TTN: variants seen among roughly 807,000 people sequenced by gnomAD.
TTN encodes titin, also known as connectin.
In TTN, 1,525 loss-of-function variants were observed where a neutral mutation model predicts 3,223.0. The observed-to-expected ratio is 0.47, with a 90% confidence interval of 0.45 to 0.49. TTN has a LOEUF of 0.49. Ranked by LOEUF, TTN falls within the 20% of genes least tolerant of loss-of-function variation. The pLI is 0.00. For synonymous variants in TTN, 14,094 were observed against 15,161.0 expected, an observed-to-expected ratio of 0.93 and a Z score of 5.17; for missense variants, 40,786 against 43,424.0, an observed-to-expected ratio of 0.94 and a Z score of 5.40.
Position 178,721,943 on chromosome 2 carries a change from T to C in TTN, c.22720A>G (p.Ile7574Val), listed in dbSNP as rs1017841481. The change falls in exon 78 of 363, where the codon ATT becomes GTT. Residue 7574 changes from isoleucine to valine, a missense_variant. Coordinates refer to ENST00000589042, the MANE Select transcript of TTN (RefSeq NM_001267550.2). Reference sequence around the variant, plus strand: ...GAGTCTCCTTTGCCTACTTTAAGAATTCTCAAATGAGGAGTGTTTCCCACA... The same window carrying C: ...GAGTCTCCTTTGCCTACTTTAAGAACTCTCAAATGAGGAGTGTTTCCCACA... The part of the protein sequence containing the change: ...TCVGNTPHLR[I>V]LKVGKGDSGQ... 4 of 1,613,502 alleles carry C rather than the reference T, an allele frequency of 2.5e-6. No individual in the cohort carries two copies. The African/African-American group carries it at 5.3e-5, about 22-fold the overall frequency.
At position 178,548,952 on chromosome 2, in the gene TTN, A is replaced by G; in HGVS notation, c.92674T>C (p.Tyr30892His). The G allele has an allele frequency of 1.9e-6, 3 of 1,613,892 alleles. No homozygotes were observed. The highest frequency in any genetic ancestry group is 2.5e-6 in the Non-Finnish European group (3 of 1,179,826). Residue 30892 changes from tyrosine to histidine, a missense_variant, in exon 339 of 363, where the codon TAC becomes CAC. Physicochemically the swap from Tyr to His is moderately conservative, Grantham distance 83. Transcript: ENST00000589042. The surrounding 1 kb of genome is among the most constrained non-coding windows in gnomAD (Gnocchi z 4.3). The stretch of plus-strand genomic sequence containing the variant: ...TTGATAGCACTAACTCGGAATTTGT[A>G]TTCTTCACCTGCTTGTAGATCAGTG... The part of the protein sequence containing the change: ...TVTDLQAGEE[Y>H]KFRVSAINGA...
chr2:178,618,200 C>G lies in TTN; in HGVS notation c.47258G>C (p.Arg15753Thr). The G allele has an allele frequency of 6.2e-7, 1 of 1,612,334 alleles. No homozygotes were observed. The highest frequency in any genetic ancestry group is 8.5e-7 in the Non-Finnish European group (1 of 1,179,060). Residue 15753 changes from arginine (R) to threonine (T), a missense_variant, in exon 252 of 363, where the codon AGG becomes ACG. Physicochemically the swap from Arg to Thr is moderately conservative, Grantham distance 71 (BLOSUM62 -1). Coordinates refer to ENST00000589042, the MANE Select transcript of TTN (RefSeq NM_001267550.2). The stretch of plus-strand genomic sequence containing the variant: ...TTAAAACTTCTTACCATATTTACTC[C>G]TTGCTTCTACAGGATTGTCAGTTTC... The part of the protein sequence containing the change: ...PVETDNPVEA[R>T]SKYDVPGPPL...
rs1299776307 is a variant in TTN, at chr2:178,565,894, G to A, written c.80238C>T (p.Asn26746=). ...KCSKTSFKVE[N]LTEGAIYYFR... is the part of the protein sequence containing the mutation. The stretch of plus-strand genomic sequence containing the variant: ...AGTAATAAATGGCTCCTTCTGTAAG[G>A]TTTTCCACTTTAAAACTTGTTTTGC... Residue 26746 remains asparagine (N), a synonymous_variant, in exon 326 of 363, where the codon AAC becomes AAT. Transcript: ENST00000589042. 6.2e-7 allele frequency: 1 copy of A among 1,613,614 alleles called. No homozygotes were observed. Among genetic ancestry groups the A allele is most frequent in the Non-Finnish European group, 8.5e-7 (1 of 1,179,666 alleles).
intron 13 of TTN, among the ~76,000 whole-genome samples, chr2:178,787,189 A>G (rs905312667): frequency 1.3e-5 from 2 of 152,172 alleles, no homozygotes; most frequent in African/African-American, 4.8e-5. Flanking sequence ...CTACCTGCAT[A>G]TCTTTAAAAA....
intron 350 of TTN, among the ~76,000 whole-genome samples, chr2:178,540,803 C>G (rs1018721357): frequency 2.6e-5 from 4 of 151,862 alleles, no homozygotes; most frequent in Non-Finnish European, 4.4e-5. Flanking sequence ...CTCAAAAAAA[C>G]ACAAAAAAAC....
Position 178,589,081 on chromosome 2 carries a change from T to C in TTN, c.62644A>G (p.Thr20882Ala), listed in dbSNP as rs538308579. 14 of 1,609,880 alleles carry C rather than the reference T, an allele frequency of 8.7e-6. No individual in the cohort carries two copies. The highest frequency in any genetic ancestry group is 6.7e-5 in the East Asian group (3 of 44,658). ...KIVDVSSDRCTVCWDPPEDDG... is the reference protein window; with the variant it reads ...KIVDVSSDRCAVCWDPPEDDG... ...TCTTCTGGTGGATCCCAGCAAACAG[T>C]ACACCTATCACTGGACACATCAACA... The change falls in exon 304 of 363, where the codon ACT (threonine) becomes GCT (alanine). Residue 20882 changes from threonine to alanine, a missense_variant. Physicochemically the swap from Thr to Ala is moderately conservative, Grantham distance 58. Transcript: ENST00000589042.
chr2:178,624,803 C>G, intron 241 of TTN, 72 bp from the exon 242 acceptor site: 2 of 1,547,626 alleles, frequency 1.3e-6, no homozygotes, highest in Non-Finnish European at 1.8e-6. Context: ...TCTCAACTTT[C>G]CCCTGCCATC....
In TTN at chr2:178,771,221, G is replaced by C; in HGVS notation, c.8106C>G (p.Leu2702=). The C allele has an allele frequency of 6.2e-7, 1 of 1,614,012 alleles. No individual in the cohort carries two copies. Among genetic ancestry groups the C allele is most frequent in the Non-Finnish European group, 8.5e-7 (1 of 1,179,986 alleles). ...KVATSKTSAK[L]KVEAVKIKKT... is the part of the protein sequence containing the mutation. The stretch of plus-strand genomic sequence containing the variant: ...TCCTATGTTACTTGCCTTCAACTTT[G>C]AGTTTGGCAGATGTTTTGGAGGTGG... The change falls in exon 34 of 363, where the codon CTC becomes CTG. Residue 2702 remains leucine (L), a synonymous_variant. Transcript: ENST00000589042.
Position 178,666,777 on chromosome 2 carries a change from C to A in TTN, c.35875+47G>T, listed in dbSNP as rs538257224. The A allele has an allele frequency of 6.8e-6, 10 of 1,471,286 alleles. No individual in the cohort carries two copies. The African/African-American group carries it at 1.1e-4, about 17-fold the overall frequency. 91.1% of individuals were successfully genotyped at this position (1,471,286 alleles called of 1,614,324 possible). A position where few individuals can be genotyped will look rare whatever the true frequency, so the allele number is the denominator to read the frequency against. On this transcript the variant is annotated intron_variant, in intron 163 of 362. Transcript: ENST00000589042. Reference sequence around the variant, plus strand: ...TTAGTATTTTTACATGTGTTAAGTACAACTGCAAACATGAGATTAAAAAGG... The same window carrying A: ...TTAGTATTTTTACATGTGTTAAGTAAAACTGCAAACATGAGATTAAAAAGG...
At chr2:178,709,923 A>C in intron 98 of TTN, 67 bp from the exon 99 acceptor site, 1 of 1,482,610 alleles carries the variant, frequency 6.7e-7, no homozygotes, top group Non-Finnish European at 9.0e-7. Flanking sequence ...AAGCTTTTCA[A>C]GAAAAAAAAC....
rs1690203448 is a variant in TTN at position 178,533,741 on chromosome 2, A to G, written c.102874T>C (p.Tyr34292His). Reference sequence around the variant, plus strand: ...GGTTTGATTTTCTGACCTGATTTATACCATGTTACATGAGGCTCTGGGTGG... The same window carrying G: ...GGTTTGATTTTCTGACCTGATTTATGCCATGTTACATGAGGCTCTGGGTGG... ...TVHPEPHVTWYKSGQKIKPGD... is the reference protein window; with the variant it reads ...TVHPEPHVTWHKSGQKIKPGD... The change falls in exon 358 of 363, where the codon TAT becomes CAT. Residue 34292 changes from tyrosine (Y) to histidine (H), a missense_variant. Transcript: ENST00000589042. The G allele has an allele frequency of 3.1e-6, 5 of 1,613,798 alleles. No individual in the cohort carries two copies. The highest frequency in any genetic ancestry group is 3.4e-6 in the Non-Finnish European group (4 of 1,179,872).
chr2:178,740,783 T>C lies in TTN; in HGVS notation c.12450A>G (p.Leu4150=), dbSNP rs746475886. ...TCTGGGACTGTACAATCTGCAGCTGTAGGTTGGGAGATGGTTCCTTGAGAG... is the reference window on the plus strand; with the variant it reads ...TCTGGGACTGTACAATCTGCAGCTGCAGGTTGGGAGATGGTTCCTTGAGAG... ...FQPLKEPSPN[L]QLQIVQSQKT... is the part of the protein sequence containing the mutation. Residue 4150 remains leucine, a synonymous_variant, in exon 48 of 363, where the codon CTA becomes CTG. Coordinates refer to ENST00000589042, the MANE Select transcript of TTN (RefSeq NM_001267550.2). 1.9e-6 allele frequency: 3 copies of C among 1,613,378 alleles called. No individual in the cohort carries two copies. The highest frequency in any genetic ancestry group is 2.7e-5 in the African/African-American group (2 of 74,860).
chr2:178,699,442 C>T (rs541574715), intron 111 of TTN, among the ~76,000 whole-genome samples: 1,376 of 88,274 alleles, frequency 0.016, 10 homozygotes, highest in Admixed American at 0.023. Flanking sequence ...GACGGAGTCC[C>T]GCTGTTTAGC....
intron 110 of TTN, 23 bp downstream of exon 110, chr2:178,701,505 G>T: frequency 6.2e-7 from 1 of 1,605,680 alleles, no homozygotes; most frequent in Non-Finnish European, 8.5e-7. Context: ...TCCAAGCTCA[G>T]ATGTTGAGGT....
intron 287 of TTN, 33 bp from the exon 288 acceptor site, chr2:178,601,204 T>C (rs2053344967): frequency 6.6e-7 from 1 of 1,518,962 alleles, no homozygotes; most frequent in Non-Finnish European, 8.8e-7. Context: ...TATTAAGCGT[T>C]GTTTATAATA....
Position 178,756,286 on chromosome 2 carries a change from G to A in TTN, c.11190C>T (p.Tyr3730=). 6.2e-7 allele frequency: 1 copy of A among 1,613,864 alleles called. No homozygotes were observed. ...CNVQLVDQGL[Y]SCIVHNDCGE... is the part of the protein sequence containing the mutation. ...CACAGTCATTGTGTACAATGCAGCT[G>A]TATAGTCCTTGGTCTACCAGCTGAA... Residue 3730 remains tyrosine, a synonymous_variant, in exon 46 of 363, where the codon TAC becomes TAT. Transcript: ENST00000589042.
Position 178,704,679 on chromosome 2 carries a change from C to G in TTN, c.29793G>C (p.Lys9931Asn). 1 of 1,611,888 alleles carries G rather than the reference C, an allele frequency of 6.2e-7. No individual in the cohort carries two copies. The highest frequency in any genetic ancestry group is 8.5e-7 in the Non-Finnish European group (1 of 1,178,886). Residue 9931 changes from lysine (K) to asparagine (N), a missense_variant, in exon 105 of 363, where the codon AAG (lysine) becomes AAC (asparagine). By Grantham distance (94) the Lys-to-Asn change is moderately conservative. Coordinates refer to ENST00000589042, the MANE Select transcript of TTN (RefSeq NM_001267550.2). ...IDIKINYPEI[K>N]LSWYKGTEKL... ...TTTCAGTTCCTTTGTACCACGAAAG[C>G]TTGATTTCTGGATAATTAATTTTAA...
intron 133 of TTN, among the ~76,000 whole-genome samples, 200 bp downstream of exon 133, chr2:178,683,796 TAGA>T (rs2070059570): frequency 6.6e-6 from 1 of 152,048 alleles, no homozygotes; most frequent in Non-Finnish European, 1.5e-5. Context: ...CACATACGTT[TAGA>T]AGAAGCCTCA....
rs201857417 is a variant in TTN at position 178,701,364 on chromosome 2, C to CT, written c.30599-162dup. The stretch of plus-strand genomic sequence containing the variant: ...TAGCATTTATTTATAACTGGAACTA[C>CT]TTTTTTTTTTTACTTTAATTTCTAA... On this transcript the variant is annotated intron_variant, in intron 110 of 362. Transcript: ENST00000589042. Among the ~76,000 whole-genome samples the CT allele has an allele frequency of 0.022, 3,273 of 147,716 alleles. 130 individuals carry two copies. Among genetic ancestry groups the CT allele is most frequent in the East Asian group, 0.19 (990 of 5,106 alleles).
Sources: gnomAD v4.1 joint callset for allele counts (sites outside exome capture counted in the v4.1 genomes callset) on GRCh38, gnomAD v4.1.1 for gene constraint, Gnocchi (gnomAD v3.1) non-coding constraint, MANE v1.5 for transcripts, NCBI Gene and HGNC (gene_info 2026-07-23, HGNC 2026-07-21) for gene names.